Variants in PLCB1 observed in about 807,000 individuals in gnomAD.
PLCB1 encodes phospholipase C beta 1, also known as 1-phosphatidylinositol 4,5-bisphosphate phosphodiesterase beta-1.
A neutral mutation model predicts 161.8 loss-of-function variants in PLCB1; 46 were observed. The observed-to-expected ratio is 0.28, with a 90% CI of 0.22 to 0.36. The LOEUF is 0.36. PLCB1 is among the 10% of genes least tolerant of loss of function. The pLI is 1.00. For synonymous variants in PLCB1, 517 were observed against 503.7 expected (o/e 1.03, Z -0.35); for missense variants, 1,016 against 1,472.5 (o/e 0.69, Z 5.07).
At chr20:8,498,577 G>T (rs577007031) in intron 3 of PLCB1, among the ~76,000 whole-genome samples, 1 of 152,094 alleles carries the variant, frequency 6.6e-6, no homozygotes, top group East Asian at 1.9e-4. Context: ...AAGGCGGCGG[G>T]GAACATCCGG....
intron 2 of PLCB1, among the ~76,000 whole-genome samples, chr20:8,187,162 T>A (rs2123101884): frequency 6.6e-6 from 1 of 152,250 alleles, no homozygotes; most frequent in Admixed American, 6.5e-5. Context: ...GTAGTCCTGA[T>A]CACTATCTTT....
chr20:8,654,784 T>C (rs900919994), intron 7 of PLCB1, among the ~76,000 whole-genome samples: 5 of 152,062 alleles, frequency 3.3e-5, no homozygotes, highest in Non-Finnish European at 5.9e-5. Flanking sequence ...AGCTGTGAGA[T>C]TGAGAAAGAG....
chr20:8,286,586 C>T (rs1393469329), intron 2 of PLCB1, among the ~76,000 whole-genome samples: 1 of 152,168 alleles, frequency 6.6e-6, no homozygotes, highest in Non-Finnish European at 1.5e-5. Context: ...GCATCCAGTA[C>T]ATTAATCCTT....
chr20:8,632,038 T>TTTTTTTTTG, intron 4 of PLCB1, among the ~76,000 whole-genome samples: 1 of 28,900 alleles, frequency 3.5e-5, no homozygotes, highest in Non-Finnish European at 7.6e-5. Flanking sequence ...TTTTTTGCTT[T>TTTTTTTTTG]TTTTTTTTTT....
At position 8,392,835 on chromosome 20, in the gene PLCB1, C is replaced by T. The variant is rs554433689; in HGVS notation, c.246+21385C>T. On this transcript the variant is annotated intron_variant, in intron 3 of 31. Transcript: ENST00000338037. The stretch of plus-strand genomic sequence containing the variant: ...AAAAAGTGAAATCCTATATCACTGC[C>T]TTTGGATGTGATACATGACCCATAG... 2.6e-5 allele frequency among the ~76,000 whole-genome samples: 4 copies of T among 152,150 alleles called. No individual in the cohort carries two copies. The South Asian group carries it at 8.3e-4, about 32-fold the overall frequency.
intron 2 of PLCB1, among the ~76,000 whole-genome samples, chr20:8,205,450 A>T (rs1405558174): frequency 6.6e-6 from 1 of 152,200 alleles, no homozygotes; most frequent in Non-Finnish European, 1.5e-5. Flanking sequence ...TCCATACTAT[A>T]CTATAGGAAG....
intron 2 of PLCB1, among the ~76,000 whole-genome samples, chr20:8,274,924 CTT>C (rs1475491072): frequency 1.3e-5 from 2 of 152,054 alleles, no homozygotes; most frequent in African/African-American, 4.8e-5. Flanking sequence ...AAAGTCTTCT[CTT>C]TATTTTCCTC....
chr20:8,759,237 C>T (rs887678763), intron 24 of PLCB1, among the ~76,000 whole-genome samples: 20 of 152,124 alleles, frequency 1.3e-4, no homozygotes, highest in African/African-American at 4.6e-4. Flanking sequence ...AAGTGATACT[C>T]GCCTTTCTCA....
intron 3 of PLCB1, among the ~76,000 whole-genome samples, chr20:8,541,202 G>C (rs913178578): frequency 3.9e-5 from 6 of 152,090 alleles, no homozygotes; most frequent in African/African-American, 1.4e-4. Flanking sequence ...CACCTGGGTT[G>C]GTATTTGGGT....
chr20:8,758,088 A>C (rs1981830055), intron 24 of PLCB1, among the ~76,000 whole-genome samples: 1 of 151,244 alleles, frequency 6.6e-6, no homozygotes, highest in Non-Finnish European at 1.5e-5. Context: ...TTCTTGTTGA[A>C]TTGGTTAATA....
At chr20:8,169,405 C>A (rs779934212) in intron 2 of PLCB1, among the ~76,000 whole-genome samples, 8 of 152,112 alleles carry the variant, frequency 5.3e-5, no homozygotes, top group Non-Finnish European at 1.0e-4. Flanking sequence ...AAATAGGAAT[C>A]CCATGAGGAT....
intron 2 of PLCB1, among the ~76,000 whole-genome samples, chr20:8,186,362 G>A (rs1187827178): frequency 3.3e-5 from 5 of 152,090 alleles, no homozygotes; most frequent in African/African-American, 9.7e-5. Flanking sequence ...GTTTGTTTTA[G>A]TTGCATATAC....
chr20:8,821,540 TATATATATATATATATA>T (rs1985412123), intron 31 of PLCB1, among the ~76,000 whole-genome samples: 1 of 91,490 alleles, frequency 1.1e-5, no homozygotes, highest in Non-Finnish European at 2.0e-5. Flanking sequence ...TATATATATA[TATATATATATATATATA>T]TTTAAATGAC....
chr20:8,148,071 G>C (rs1160779168), intron 1 of PLCB1, among the ~76,000 whole-genome samples: 1 of 151,960 alleles, frequency 6.6e-6, no homozygotes, highest in African/African-American at 2.4e-5. Flanking sequence ...CCAAGATTTT[G>C]ATTAGAATTT....
At chr20:8,778,190 G>A (rs1240768749) in intron 27 of PLCB1, among the ~76,000 whole-genome samples, 3 of 152,116 alleles carry the variant, frequency 2.0e-5, no homozygotes, top group African/African-American at 7.2e-5. Flanking sequence ...AGAGTGAGAG[G>A]GAAGCCTAAT....
intron 3 of PLCB1, among the ~76,000 whole-genome samples, chr20:8,532,351 T>C (rs1984847461): frequency 6.6e-6 from 1 of 152,196 alleles, no homozygotes; most frequent in Non-Finnish European, 1.5e-5. Flanking sequence ...ACATTTTGGT[T>C]GCTAGGCAGC....
rs1184003133 is a variant in PLCB1 at position 8,862,037 on chromosome 20, ATGT to A, written c.3424-19583_3424-19581del. Among the ~76,000 whole-genome samples the A allele has an allele frequency of 2.0e-5, 3 of 152,250 alleles. No individual in the cohort carries two copies. The East Asian group carries it at 5.8e-4, about 29-fold the overall frequency. On this transcript the variant is annotated intron_variant, in intron 31 of 31. Transcript: ENST00000338037. Reference sequence around the variant, plus strand: ...TTTCCTTTAAAAATAGACTGGCATTATGTTATTATTTAATTATTATTTTAATGC... The same window carrying A: ...TTTCCTTTAAAAATAGACTGGCATTATATTATTTAATTATTATTTTAATGC...
intron 31 of PLCB1, among the ~76,000 whole-genome samples, chr20:8,842,738 T>G (rs1220758676): frequency 1.3e-5 from 2 of 152,138 alleles, no homozygotes; most frequent in Admixed American, 6.5e-5. Flanking sequence ...GGGGGCTGCA[T>G]GCACCGGTAA....
At chr20:8,589,266 C>T (rs764301141) in intron 3 of PLCB1, among the ~76,000 whole-genome samples, 7 of 152,256 alleles carry the variant, frequency 4.6e-5, no homozygotes, top group Non-Finnish European at 8.8e-5. Context: ...TGAGTTACAT[C>T]GGTGACCAAA....
Sources: allele counts gnomAD v4.1 joint callset (sites outside exome capture counted in the v4.1 genomes callset), GRCh38; gene constraint gnomAD v4.1.1; transcripts MANE v1.5; gene names NCBI Gene and HGNC (gene_info 2026-07-23, HGNC 2026-07-21).